Variants in HTR3C observed in about 807,000 individuals in gnomAD.
HTR3C encodes the protein 5-hydroxytryptamine receptor 3C.
HTR3C carries 32 observed loss-of-function variants against 40.5 expected under a neutral mutation model. That is an observed-to-expected ratio of 0.79 (90% CI 0.60 to 1.06). The LOEUF (loss-of-function observed/expected upper bound fraction) is 1.06. Ranked by LOEUF, HTR3C falls within the 50% of genes least tolerant of loss-of-function variation. The pLI, the probability that HTR3C is intolerant of heterozygous loss-of-function variation, is 0.00. For missense variants in HTR3C, 523 were observed against 556.8 expected, an observed-to-expected ratio of 0.94 and a Z score of 0.61; for synonymous variants, 209 against 217.1, an observed-to-expected ratio of 0.96 and a Z score of 0.33.
chr3:184,057,243 C>T (rs962185159), intron 5 of HTR3C, among the ~76,000 whole-genome samples, 199 bp downstream of exon 5: 1 of 152,132 alleles, frequency 6.6e-6, no homozygotes, highest in African/African-American at 2.4e-5. Flanking sequence ...GTGGGACAAA[C>T]GCTTGTGCCC....
At position 184,059,925 on chromosome 3, in the gene HTR3C, A is replaced by G; in HGVS notation, c.1023A>G (p.Pro341=). The part of the protein sequence containing the change: ...YLLHVATTQP[P]PMPRWLHSLL... The stretch of plus-strand genomic sequence containing the variant: ...TGCACGTGGCCACCACCCAGCCCCC[A>G]CCCATGCCTAGGTGGCTTCACTCCC... The change falls in exon 8 of 9, where the codon CCA becomes CCG. Residue 341 remains proline, a synonymous_variant. Transcript: ENST00000318351. 1.2e-6 allele frequency: 2 copies of G among 1,613,276 alleles called. No individual in the cohort carries two copies. The highest frequency in any genetic ancestry group is 1.7e-6 in the Non-Finnish European group (2 of 1,179,858).
intron 7 of HTR3C, 60 bp from the exon 8 acceptor site, chr3:184,059,768 G>A (rs1241536459): frequency 2.2e-5 from 35 of 1,599,202 alleles, no homozygotes; most frequent in Admixed American, 1.7e-5. Flanking sequence ...TAGGAAAGAG[G>A]CGTGAGGAAT....
intron 1 of HTR3C, among the ~76,000 whole-genome samples, chr3:184,053,810 A>G (rs1400177653): frequency 6.6e-6 from 1 of 152,014 alleles, no homozygotes. Context: ...GCTGGAGTGC[A>G]GTGGCACGAT....
chr3:184,055,884 CAAAAAAAAAAAAAAAA>C (rs71185686), intron 3 of HTR3C, among the ~76,000 whole-genome samples: 4 of 30,704 alleles, frequency 1.3e-4, no homozygotes, highest in Admixed American at 1.3e-3. Context: ...AATAGCAACT[CAAAAAAAAAAAAAAAA>C]AAAAAAAAAA....
At chr3:184,055,162 T>A in intron 2 of HTR3C, 150 bp from the exon 3 acceptor site, 1 of 664,734 alleles carries the variant, frequency 1.5e-6, no homozygotes, top group Non-Finnish European at 2.7e-6. Context: ...GAATTGCCCA[T>A]AGACACAGGG....
intron 3 of HTR3C, among the ~76,000 whole-genome samples, chr3:184,055,884 CAAA>C (rs71185686): frequency 1.6e-3 from 48 of 30,704 alleles, no homozygotes; most frequent in Admixed American, 2.7e-3. Context: ...AATAGCAACT[CAAA>C]AAAAAAAAAA....
intron 3 of HTR3C, among the ~76,000 whole-genome samples, chr3:184,055,884 C>CAAAAAAAAAAAAAAAAAAAAAAAAAAAAA (rs71185686): frequency 3.3e-5 from 1 of 30,704 alleles, no homozygotes; most frequent in African/African-American, 1.2e-4. Flanking sequence ...AATAGCAACT[C>CAAAAAAAAAAAAAAAAAAAAAAAAAAAAA]AAAAAAAAAA....
At chr3:184,053,925 T>C (rs1332852895) in intron 1 of HTR3C, among the ~76,000 whole-genome samples, 4 of 152,172 alleles carry the variant, frequency 2.6e-5, no homozygotes, top group Non-Finnish European at 5.9e-5. Flanking sequence ...CAGCTAATTT[T>C]TGTATTTTTA....
At position 184,060,332 on chromosome 3, in the gene HTR3C, A is replaced by G. The variant is rs372408664; in HGVS notation, c.1324A>G (p.Ile442Val). 4 of 1,613,874 alleles carry G rather than the reference A, an allele frequency of 2.5e-6. No individual in the cohort carries two copies. In the African/African-American group the frequency reaches 4.0e-5, roughly 16 times the overall value. The part of the protein sequence containing the change: ...LFMASSILTV[I>V]VLWNT Reference sequence around the variant, plus strand: ...CATGGCCTCCTCCATCCTTACTGTCATTGTCCTCTGGAACACCTAGGCAGA... The same window carrying G: ...CATGGCCTCCTCCATCCTTACTGTCGTTGTCCTCTGGAACACCTAGGCAGA... The change falls in exon 9 of 9, where the codon ATT becomes GTT. Residue 442 changes from isoleucine to valine, a missense_variant. Coordinates refer to ENST00000318351, the MANE Select transcript of HTR3C (RefSeq NM_130770.3).
Position 184,058,584 on chromosome 3 carries a change from TTATG to T in HTR3C, c.719_720+2del. The T allele has an allele frequency of 6.2e-7, 1 of 1,610,362 alleles. No individual in the cohort carries two copies. The highest frequency in any genetic ancestry group is 1.1e-5 in the South Asian group (1 of 90,208). On this transcript the variant is annotated splice_donor_variant and coding_sequence_variant, in exon 6 of 9. Transcript: ENST00000318351. LOFTEE classifies it high-confidence loss of function. ...ACAACCTATATGACCAGATCATGTT[TTATG>T]TGAGTCCAGGGGCCCCTGTTTGACT... is the stretch of plus-strand genomic sequence containing the variant.
intron 5 of HTR3C, among the ~76,000 whole-genome samples, chr3:184,057,513 A>T (rs771162791): frequency 6.6e-6 from 1 of 152,160 alleles, no homozygotes; most frequent in Non-Finnish European, 1.5e-5. Context: ...GGTGGGCAGA[A>T]CACGAGGTCA....
chr3:184,058,012 C>A (rs532439795), intron 5 of HTR3C, among the ~76,000 whole-genome samples: 47 of 152,232 alleles, frequency 3.1e-4, no homozygotes, highest in African/African-American at 1.1e-3. Context: ...CGAATGCCAC[C>A]AGGTGTCATG....
rs1197323981 is a variant in HTR3C at position 184,054,836 on chromosome 3, C to A, written c.183C>A (p.Ser61Arg). The change falls in exon 2 of 9, where the codon AGC becomes AGA. Residue 61 changes from serine (S) to arginine (R), a missense_variant. Physicochemically the swap from Ser to Arg is moderately radical, Grantham distance 110 (BLOSUM62 -1). Transcript: ENST00000318351. The stretch of plus-strand genomic sequence containing the variant: ...CCTTCCGTCCATTCACCAACTACAG[C>A]ATCCCTACCCGTGTCAACATCTCCT... The part of the protein sequence containing the change: ...RKAFRPFTNY[S>R]IPTRVNISFT... The A allele has an allele frequency of 6.2e-7, 1 of 1,613,674 alleles. No homozygotes were observed. Among genetic ancestry groups the A allele is most frequent in the African/African-American group, 1.3e-5 (1 of 75,036 alleles).
chr3:184,053,768 T>G (rs1017302348), intron 1 of HTR3C, among the ~76,000 whole-genome samples: 1 of 151,356 alleles, frequency 6.6e-6, no homozygotes, highest in African/African-American at 2.4e-5. Context: ...TGTTGTTTGT[T>G]TTTTGACATG....
chr3:184,056,375 T>C (rs1301008405), intron 4 of HTR3C, 89 bp downstream of exon 4: 1 of 836,994 alleles, frequency 1.2e-6, no homozygotes, highest in Non-Finnish European at 2.0e-6. Flanking sequence ...CACCGAAAGA[T>C]TCAGACAGGC....
chr3:184,054,924 A>G (rs1197670407), intron 2 of HTR3C, 37 bp downstream of exon 2: 2 of 1,566,040 alleles, frequency 1.3e-6, no homozygotes, highest in East Asian at 2.3e-5. Flanking sequence ...CATGGCTTCT[A>G]ATAAGGAACG....
At chr3:184,053,685 T>C (rs1217701797) in intron 1 of HTR3C, among the ~76,000 whole-genome samples, 1 of 152,224 alleles carries the variant, frequency 6.6e-6, no homozygotes, top group Non-Finnish European at 1.5e-5. Flanking sequence ...ACTCAGGTAC[T>C]ACCCAGATGA....
chr3:184,053,256 C>T, intron 1 of HTR3C, 109 bp downstream of exon 1: 1 of 787,438 alleles, frequency 1.3e-6, no homozygotes, highest in South Asian at 1.5e-5. Context: ...ATATTTCTTC[C>T]ATAATGTCTG....
chr3:184,059,981 G>A lies in HTR3C; in HGVS notation c.1079G>A (p.Cys360Tyr), dbSNP rs779549988. Residue 360 changes from cysteine (C) to tyrosine (Y), a missense_variant, in exon 8 of 9, where the codon TGC becomes TAC. Physicochemically the swap from Cys to Tyr is radical, Grantham distance 194 (BLOSUM62 -2). Transcript: ENST00000318351. The part of the protein sequence containing the change: ...LLLHCTSPGR[C>Y]CPTAPQKGNK... ...CTCCACTGCACCAGCCCAGGGAGATGCTGTCCCACTGCGCCCCAGAAGGGA... is the reference window on the plus strand; with the variant it reads ...CTCCACTGCACCAGCCCAGGGAGATACTGTCCCACTGCGCCCCAGAAGGGA... The A allele has an allele frequency of 4.2e-5, 67 of 1,613,690 alleles. No individual in the cohort carries two copies. Among genetic ancestry groups the A allele is most frequent in the Non-Finnish European group, 5.5e-5 (65 of 1,180,016 alleles).
Sources: allele counts gnomAD v4.1 joint callset (sites outside exome capture counted in the v4.1 genomes callset), GRCh38; gene constraint gnomAD v4.1.1; transcripts MANE v1.5; gene names NCBI Gene and HGNC (gene_info 2026-07-23, HGNC 2026-07-21).